The following CELF1 variants were observed in gnomAD, a reference collection of about 807,000 sequenced individuals.
CELF1 encodes 50 kDa nuclear polyadenylated RNA-binding protein.
In CELF1, 10 loss-of-function variants were observed where a neutral mutation model predicts 61.8. The ratio of observed to expected loss-of-function variants is 0.16; its 90% confidence interval spans 0.10 to 0.27. CELF1 has a LOEUF of 0.27. Ranked by LOEUF, CELF1 falls within the 10% of genes least tolerant of loss-of-function variation. The pLI is 1.00. For missense variants in CELF1, 380 were observed against 639.1 expected (o/e 0.59, Z 4.37); for synonymous variants, 236 against 225.1 (o/e 1.05, Z -0.43).
intron 1 of CELF1, among the ~76,000 whole-genome samples, chr11:47,511,949 AGT>A: frequency 1.3e-5 from 2 of 152,082 alleles, no homozygotes; most frequent in Non-Finnish European, 2.9e-5. Context: ...CCCGGGTTCA[AGT>A]GCTTCTTGTG....
At chr11:47,498,042 C>T (rs914298826) in intron 3 of CELF1, among the ~76,000 whole-genome samples, 2 of 152,176 alleles carry the variant, frequency 1.3e-5, no homozygotes, top group African/African-American at 4.8e-5. Context: ...ACTTTAATTT[C>T]ACCTGTTACA....
At chr11:47,541,745 AGAAAGAAAGAAC>A (rs1165257160) in intron 1 of CELF1, among the ~76,000 whole-genome samples, 1 of 9,246 alleles carries the variant, frequency 1.1e-4, no homozygotes, top group African/African-American at 2.7e-4. Context: ...AAAGAACGAA[AGAAAGAAAGAAC>A]GAAAGAAAGA....
At chr11:47,488,785 G>C in intron 4 of CELF1, 52 bp downstream of exon 4, 1 of 1,353,878 alleles carries the variant, frequency 7.4e-7, no homozygotes, top group Non-Finnish European at 9.7e-7. Flanking sequence ...GCCCTCACCT[G>C]CTCTGAGAGT....
chr11:47,493,010 C>G (rs1343657612), intron 3 of CELF1, among the ~76,000 whole-genome samples: 1 of 152,132 alleles, frequency 6.6e-6, no homozygotes, highest in Non-Finnish European at 1.5e-5. Flanking sequence ...TGTGCCAATT[C>G]TGAACTTTTG....
intron 3 of CELF1, among the ~76,000 whole-genome samples, chr11:47,498,929 C>T (rs564901612): frequency 1.5e-4 from 23 of 148,784 alleles, no homozygotes; most frequent in African/African-American, 5.5e-4. Context: ...CAATTAGACT[C>T]GGCGGGGGTG....
chr11:47,545,916 T>TA (rs1491312774), intron 1 of CELF1, among the ~76,000 whole-genome samples: 1,797 of 74,054 alleles, frequency 0.024, 29 homozygotes, highest in African/African-American at 0.091. Flanking sequence ...TATATATATA[T>TA]TTTTTTTTTT....
At chr11:47,562,226 CAAA>C (rs745795043) in intron 2 of CELF1, among the ~76,000 whole-genome samples, 4 of 81,644 alleles carry the variant, frequency 4.9e-5, no homozygotes, top group Non-Finnish European at 7.5e-5. Flanking sequence ...AACTCCATCT[CAAA>C]AAAAAAAAAA....
intron 3 of CELF1, chr11:47,494,272 A>ACCTACCCCCTCTCTTTTTAT: frequency 2.0e-6 from 1 of 506,324 alleles, no homozygotes; most frequent in Non-Finnish European, 2.5e-6. Flanking sequence ...AAGGGATGAA[A>ACCTACCCCCTCTCTTTTTAT]CCTACCCCCT....
At position 47,468,035 on chromosome 11, in the gene CELF1, A is replaced by G. The variant is rs979920763; in HGVS notation, c.*4195T>C. 1 of 152,216 alleles carries G rather than the reference A, an allele frequency of 6.6e-6. No homozygotes were observed. The highest frequency in any genetic ancestry group is 1.5e-5 in the Non-Finnish European group (1 of 68,034). 9.4% of individuals were successfully genotyped at this position (152,216 alleles called of 1,614,324 possible). On this transcript the variant is annotated 3_prime_UTR_variant, in exon 15 of 15. Coordinates refer to ENST00000687097, the MANE Select transcript of CELF1 (RefSeq NM_001376376.1). Reference sequence around the variant, plus strand: ...AAAACTTTTTTCTGGGCATAATCTTAGTAGGAAAGGAAAAAATTCAAAACA... The same window carrying G: ...AAAACTTTTTTCTGGGCATAATCTTGGTAGGAAAGGAAAAAATTCAAAACA...
intron 1 of CELF1, among the ~76,000 whole-genome samples, chr11:47,510,678 G>T (rs1417244547): frequency 6.6e-6 from 1 of 151,970 alleles, no homozygotes; most frequent in African/African-American, 2.4e-5. Flanking sequence ...GTAGAGAAGG[G>T]GTTTTGCCAT....
At chr11:47,557,147 G>A (rs1428708229), upstream of CELF1, among the ~76,000 whole-genome samples, 4 of 151,920 alleles carry the variant, frequency 2.6e-5, no homozygotes, top group African/African-American at 7.3e-5. Context: ...TGATCCGCCC[G>A]CCTCAGCCTC....
chr11:47,551,782 G>A (rs974258300), intron 1 of CELF1, among the ~76,000 whole-genome samples: 7 of 152,326 alleles, frequency 4.6e-5, no homozygotes, highest in African/African-American at 1.2e-4. Context: ...GGGAGGTCGA[G>A]GCGGGTGGAT....
chr11:47,484,688 T>C (rs1436910524), intron 6 of CELF1, among the ~76,000 whole-genome samples, 165 bp from the exon 7 acceptor site: 1 of 152,234 alleles, frequency 6.6e-6, no homozygotes, highest in Non-Finnish European at 1.5e-5. Flanking sequence ...TCTTTTTTTC[T>C]TGTTTTTGAG....
chr11:47,526,466 A>G (rs988193208), intron 1 of CELF1, among the ~76,000 whole-genome samples: 1 of 152,246 alleles, frequency 6.6e-6, no homozygotes, highest in Non-Finnish European at 1.5e-5. Flanking sequence ...TTAATACCAC[A>G]CTGCTTATGG....
chr11:47,518,490 G>A (rs1409574115), intron 1 of CELF1, among the ~76,000 whole-genome samples: 1 of 152,176 alleles, frequency 6.6e-6, no homozygotes, highest in African/African-American at 2.4e-5. Context: ...GGAATCAAAA[G>A]AGCTTCAAGT....
intron 1 of CELF1, among the ~76,000 whole-genome samples, chr11:47,543,681 G>A (rs907114880): frequency 6.6e-6 from 1 of 152,180 alleles, no homozygotes; most frequent in Non-Finnish European, 1.5e-5. Flanking sequence ...GGCTGAGACA[G>A]GAGGACTGCT....
intron 1 of CELF1, among the ~76,000 whole-genome samples, chr11:47,565,113 C>T (rs1056292933): frequency 6.6e-6 from 1 of 152,106 alleles, no homozygotes; most frequent in Non-Finnish European, 1.5e-5. Context: ...CAGGGCTACC[C>T]CGCCACACAG....
intron 1 of CELF1, among the ~76,000 whole-genome samples, chr11:47,517,260 GA>G (rs57071560): frequency 0.32 from 24,612 of 77,172 alleles, 2,473 homozygotes; most frequent in African/African-American, 0.37. Context: ...AACAAACAGA[GA>G]AAAAAAAAAA....
intron 1 of CELF1, among the ~76,000 whole-genome samples, chr11:47,508,559 T>A (rs1300576883): frequency 4.3e-4 from 34 of 79,950 alleles, no homozygotes; most frequent in African/African-American, 4.6e-4. Context: ...GAAAAAAAAA[T>A]GAATTTCTTT....
Sources: allele counts gnomAD v4.1 joint callset (sites outside exome capture counted in the v4.1 genomes callset), GRCh38; gene constraint gnomAD v4.1.1; transcripts MANE v1.5; gene names NCBI Gene and HGNC (gene_info 2026-07-23, HGNC 2026-07-21).